Variants in C6 observed in about 807,000 individuals in gnomAD.
C6 encodes the protein complement component C6.
In C6, 101 loss-of-function variants were observed where a neutral mutation model predicts 112.9. The ratio of observed to expected loss-of-function variants is 0.89; its 90% CI spans 0.76 to 1.06. The LOEUF is 1.06. C6 is among the 50% of genes least tolerant of loss of function. C6 has a pLI of 0.00. For missense variants in C6, 1,202 were observed against 1,104.6 expected (o/e 1.09, Z -1.25); for synonymous variants, 431 against 384.1 (o/e 1.12, Z -1.43).
At chr5:41,195,160 A>G (rs961703640) in intron 5 of C6, among the ~76,000 whole-genome samples, 2 of 152,206 alleles carry the variant, frequency 1.3e-5, no homozygotes, top group Non-Finnish European at 2.9e-5. Flanking sequence ...CACACAGCCT[A>G]TGGGAGAGAA....
chr5:41,211,334 A>G (rs1751909385), intron 1 of C6, among the ~76,000 whole-genome samples: 2 of 129,660 alleles, frequency 1.5e-5, no homozygotes, highest in Non-Finnish European at 3.5e-5. Flanking sequence ...ATATGTATAC[A>G]TATGTAACAA....
At chr5:41,179,838 C>T (rs534381905) in intron 7 of C6, among the ~76,000 whole-genome samples, 3 of 151,840 alleles carry the variant, frequency 2.0e-5, no homozygotes, top group East Asian at 1.9e-4. Context: ...AGTCAAATAT[C>T]TTGAAGTGTA....
chr5:41,193,173 T>G (rs1311799172), intron 5 of C6, among the ~76,000 whole-genome samples: 1 of 152,186 alleles, frequency 6.6e-6, no homozygotes, highest in Non-Finnish European at 1.5e-5. Context: ...CTTTACACTA[T>G]GTACTTATGT....
chr5:41,228,157 T>A (rs1739645411), intron 1 of C6, among the ~76,000 whole-genome samples: 1 of 152,110 alleles, frequency 6.6e-6, no homozygotes, highest in South Asian at 2.1e-4. Context: ...CATTAATATA[T>A]AGTTTTCAGT....
chr5:41,164,690 C>T (rs1432494454), intron 9 of C6, among the ~76,000 whole-genome samples: 2 of 152,150 alleles, frequency 1.3e-5, no homozygotes, highest in Non-Finnish European at 2.9e-5. Flanking sequence ...GCAACGGTCT[C>T]TAACTTTGCA....
intron 1 of C6, among the ~76,000 whole-genome samples, chr5:41,238,771 A>G (rs549979947): frequency 2.0e-5 from 3 of 152,378 alleles, no homozygotes; most frequent in African/African-American, 7.2e-5. Flanking sequence ...GGGCATAGAT[A>G]TTAGTAAAAC....
chr5:41,153,698 G>T (rs1310324409), intron 15 of C6, 112 bp downstream of exon 15: 5 of 817,402 alleles, frequency 6.1e-6, no homozygotes, highest in Non-Finnish European at 1.0e-5. Context: ...GTCTAAACTT[G>T]CATCTTTTTT....
At chr5:41,179,016 G>C (rs1200261677) in intron 7 of C6, among the ~76,000 whole-genome samples, 2 of 152,048 alleles carry the variant, frequency 1.3e-5, no homozygotes, top group Non-Finnish European at 2.9e-5. Context: ...GCCACGCCCG[G>C]CTAATTTTTT....
intron 9 of C6, among the ~76,000 whole-genome samples, chr5:41,168,638 C>A (rs530889930): frequency 2.6e-5 from 4 of 151,896 alleles, no homozygotes; most frequent in African/African-American, 7.2e-5. Context: ...TAAAGGGCAC[C>A]CTTTTTTTCA....
At chr5:41,178,849 A>C (rs1749085492) in intron 7 of C6, among the ~76,000 whole-genome samples, 1 of 150,068 alleles carries the variant, frequency 6.7e-6, no homozygotes. Flanking sequence ...GTTGGATTGA[A>C]CTATATGAAG....
At chr5:41,159,359 T>G (rs1747251947) in intron 11 of C6, 106 bp from the exon 12 acceptor site, 7 of 1,501,354 alleles carry the variant, frequency 4.7e-6, no homozygotes, top group Non-Finnish European at 6.3e-6. Flanking sequence ...TAACTTCCTT[T>G]GTGGGATATG....
intron 10 of C6, 66 bp downstream of exon 10, chr5:41,161,627 G>A (rs1747510973): frequency 1.6e-6 from 2 of 1,216,372 alleles, no homozygotes; most frequent in African/African-American, 1.5e-5. Context: ...TAAATTGTGT[G>A]ATGTGCAATT....
At chr5:41,215,135 T>C (rs1752153741), upstream of C6, among the ~76,000 whole-genome samples, 1 of 152,114 alleles carries the variant, frequency 6.6e-6, no homozygotes, top group Admixed American at 6.6e-5. Flanking sequence ...CTGATGCCCG[T>C]TTTTGTAAAT....
chr5:41,223,100 T>C (rs973019605), intron 1 of C6, among the ~76,000 whole-genome samples: 48 of 152,328 alleles, frequency 3.2e-4, no homozygotes, highest in Admixed American at 2.4e-3. Context: ...AGCCTGGAGC[T>C]GAACTTACTT....
intron 17 of C6, among the ~76,000 whole-genome samples, chr5:41,148,069 A>T (rs1233499067): frequency 6.6e-6 from 1 of 152,204 alleles, no homozygotes; most frequent in Non-Finnish European, 1.5e-5. Flanking sequence ...AAAAAAATTT[A>T]AAAATAATAT....
At chr5:41,248,581 A>T in intron 1 of C6, among the ~76,000 whole-genome samples, 1 of 152,222 alleles carries the variant, frequency 6.6e-6, no homozygotes, top group Non-Finnish European at 1.5e-5. Flanking sequence ...AACATTCCAC[A>T]TCACTAATGA....
chr5:41,190,780 A>G (rs1042225085), intron 5 of C6, among the ~76,000 whole-genome samples: 1 of 152,188 alleles, frequency 6.6e-6, no homozygotes, highest in Non-Finnish European at 1.5e-5. Context: ...ATTTTTGTAT[A>G]GCATGAGTGG....
At chr5:41,226,445 A>C (rs1236300429) in intron 1 of C6, among the ~76,000 whole-genome samples, 1 of 152,214 alleles carries the variant, frequency 6.6e-6, no homozygotes, top group Admixed American at 6.5e-5. Context: ...TTAAAAAGTC[A>C]GGAAACAACA....
chr5:41,227,105 C>G (rs1050496663), intron 1 of C6, among the ~76,000 whole-genome samples: 1 of 152,050 alleles, frequency 6.6e-6, no homozygotes, highest in Admixed American at 6.6e-5. Context: ...CCTCCACATT[C>G]TCATCAAAAC....
Sources: gnomAD v4.1 joint callset for allele counts (sites outside exome capture counted in the v4.1 genomes callset) on GRCh38, gnomAD v4.1.1 for gene constraint, MANE v1.5 for transcripts, NCBI Gene and HGNC (gene_info 2026-07-23, HGNC 2026-07-21) for gene names.